TUT7: variants seen among roughly 807,000 people sequenced by gnomAD.
TUT7 encodes the protein terminal uridylyltransferase 7.
TUT7 carries 33 observed loss-of-function variants against 165.9 expected under a neutral mutation model. The ratio of observed to expected loss-of-function variants is 0.20; its 90% CI spans 0.15 to 0.27. The LOEUF (loss-of-function observed/expected upper bound fraction) is 0.27. TUT7 is among the 10% of genes least tolerant of loss of function. The pLI, the probability that TUT7 is intolerant of heterozygous loss-of-function variation, is 1.00. For synonymous variants in TUT7, 552 were observed against 608.1 expected (o/e 0.91, Z 1.36); for missense variants, 1,338 against 1,762.3 (o/e 0.76, Z 4.31).
intron 7 of TUT7, 126 bp from the exon 8 acceptor site, chr9:86,340,231 A>G: frequency 1.4e-6 from 1 of 697,624 alleles, no homozygotes; most frequent in Non-Finnish European, 2.4e-6. Context: ...ACTACTAAAT[A>G]ATGCTCTGCA....
chr9:86,309,912 T>A lies in TUT7; in HGVS notation c.3468+16A>T, dbSNP rs761726912. 8 of 1,602,348 alleles carry A rather than the reference T, an allele frequency of 5.0e-6. No individual in the cohort carries two copies. Among genetic ancestry groups the A allele is most frequent in the South Asian group, 1.1e-5 (1 of 90,334 alleles). ...AATGAAATTTCCTGATAAGTCACAATAGGAAGCATACTCACCTTTGTAAAT... is the reference window on the plus strand; with the variant it reads ...AATGAAATTTCCTGATAAGTCACAAAAGGAAGCATACTCACCTTTGTAAAT... On this transcript the variant is annotated intron_variant, in intron 19 of 26. Transcript: ENST00000375963.
intron 26 of TUT7, among the ~76,000 whole-genome samples, chr9:86,294,060 AAG>A (rs1826099124): frequency 6.6e-6 from 1 of 152,176 alleles, no homozygotes; most frequent in Non-Finnish European, 1.5e-5. Flanking sequence ...GGATAGTTTT[AAG>A]AGAGTCAATT....
intron 26 of TUT7, among the ~76,000 whole-genome samples, chr9:86,298,218 C>T (rs1280664542): frequency 6.6e-6 from 1 of 152,110 alleles, no homozygotes; most frequent in Non-Finnish European, 1.5e-5. Flanking sequence ...TTATTGTCTA[C>T]CTCTTCTGAA....
intron 2 of TUT7, 71 bp from the exon 3 acceptor site, chr9:86,346,551 A>AT (rs1403897052): frequency 1.4e-6 from 2 of 1,431,780 alleles, no homozygotes; most frequent in African/African-American, 2.9e-5. Flanking sequence ...CAGACCTTAC[A>AT]TATGTATTAA....
chr9:86,293,631 T>C (rs1382753152), intron 26 of TUT7, among the ~76,000 whole-genome samples: 2 of 152,228 alleles, frequency 1.3e-5, no homozygotes, highest in Admixed American at 6.5e-5. Flanking sequence ...TTTGGGAATA[T>C]TGGCATCACT....
At chr9:86,320,784 C>T (rs2131420322) in intron 14 of TUT7, among the ~76,000 whole-genome samples, 1 of 152,282 alleles carries the variant, frequency 6.6e-6, no homozygotes, top group South Asian at 2.1e-4. Flanking sequence ...ATTTTACCCT[C>T]TCTTCCAACG....
chr9:86,350,908 C>T (rs988783298), intron 2 of TUT7, among the ~76,000 whole-genome samples: 4 of 148,990 alleles, frequency 2.7e-5, no homozygotes, highest in Non-Finnish European at 5.9e-5. Flanking sequence ...AGAGGCAGGT[C>T]GATCACTTGA....
Position 86,340,073 on chromosome 9 carries a change from C to T in TUT7, c.1171G>A (p.Ala391Thr). ...CTGCACACCACCACTGGCACCCTAG[C>T]ATGGAAGTCTGCATCAACATCAATA... ...SFIDVDADFHARVPVVVCREK... is the reference protein window; with the variant it reads ...SFIDVDADFHTRVPVVVCREK... Residue 391 changes from alanine to threonine, a missense_variant, in exon 8 of 27, where the codon GCT becomes ACT. Ala to Thr is a moderately conservative substitution (Grantham distance 58). Around this residue, in one of 7 missense-constraint regions of TUT7, gnomAD observed 434 missense variants for 480.8 expected, o/e 0.90. Transcript: ENST00000375963. The T allele has an allele frequency of 6.2e-7, 1 of 1,613,832 alleles. No homozygotes were observed.
chr9:86,345,756 G>A lies in TUT7; in HGVS notation c.732C>T (p.Tyr244=). 3 of 1,613,276 alleles carry A rather than the reference G, an allele frequency of 1.9e-6. No individual in the cohort carries two copies. Among genetic ancestry groups the A allele is most frequent in the South Asian group, 1.1e-5 (1 of 90,862 alleles). The part of the protein sequence containing the change: ...RRPRNYPTAK[Y]TCRLCDVLIE... ...TTAAAACATCACAGAGTCTGCAGGT[G>A]TACTTTGCTGTAGGGTAGTTTCGTG... is the stretch of plus-strand genomic sequence containing the variant. Residue 244 remains tyrosine (Y), a synonymous_variant, in exon 4 of 27, where the codon TAC becomes TAT. Coordinates refer to ENST00000375963, the MANE Select transcript of TUT7 (RefSeq NM_024617.4).
Position 86,323,254 on chromosome 9 carries a change from G to C in TUT7, c.2496C>G (p.His832Gln), listed in dbSNP as rs748251283. The change falls in exon 13 of 27, where the codon CAC becomes CAG. Residue 832 changes from histidine to glutamine, a missense_variant. By Grantham distance (24) the His-to-Gln change is conservative. Coordinates refer to ENST00000375963, the MANE Select transcript of TUT7 (RefSeq NM_024617.4). Reference sequence around the variant, plus strand: ...TTTCTGATGTCTGGCCCTGTACTGAGTGGGTAAAGTGGTTTAGAGAGTCTT... The same window carrying C: ...TTTCTGATGTCTGGCCCTGTACTGACTGGGTAAAGTGGTTTAGAGAGTCTT... ...ELEDSLNHFT[H>Q]SVQGQTSEMI... is the part of the protein sequence containing the mutation. 1 of 1,614,104 alleles carries C rather than the reference G, an allele frequency of 6.2e-7. No homozygotes were observed. The highest frequency in any genetic ancestry group is 1.1e-5 in the South Asian group (1 of 91,088).
In TUT7 at chr9:86,327,191, G is replaced by A. The variant is rs79659147; in HGVS notation, c.1608+1149C>T. Among the ~76,000 whole-genome samples the A allele has an allele frequency of 4.0e-3, 607 of 152,212 alleles. 2 individuals carry two copies. Among genetic ancestry groups the A allele is most frequent in the Middle Eastern group, 6.8e-3 (2 of 294 alleles). On this transcript the variant is annotated intron_variant, in intron 11 of 26. Coordinates refer to ENST00000375963, the MANE Select transcript of TUT7 (RefSeq NM_024617.4). ...TACATTTTACCTCTTTATCCATAGC[G>A]GCATTACAAAGGATTTTTAAGCATC...
rs144011784 is a variant in TUT7 at position 86,346,331 on chromosome 9, G to C, written c.670C>G (p.Leu224Val). ...AGCCTGTCAATGCAGTCTCTCTTCA[G>C]TCTCTCCTCAGCCTGCTGTAAGCCT... ...LLGLQQAEER[L>V]KRDCIDRLKR... Residue 224 changes from leucine (L) to valine (V), a missense_variant, in exon 3 of 27, where the codon CTG (leucine) becomes GTG (valine). By Grantham distance (32) the Leu-to-Val change is conservative (BLOSUM62 1). Coordinates refer to ENST00000375963, the MANE Select transcript of TUT7 (RefSeq NM_024617.4). The C allele has an allele frequency of 6.2e-7, 1 of 1,613,850 alleles. No homozygotes were observed. Among genetic ancestry groups the C allele is most frequent in the Admixed American group, 1.7e-5 (1 of 59,986 alleles).
chr9:86,305,519 T>C (rs1827384944), intron 22 of TUT7, among the ~76,000 whole-genome samples: 1 of 152,236 alleles, frequency 6.6e-6, no homozygotes, highest in Admixed American at 6.5e-5. Flanking sequence ...TACTACTTTA[T>C]ATTTAAATCA....
chr9:86,344,881 GTAAA>G, intron 5 of TUT7, 92 bp downstream of exon 5: 2 of 1,187,374 alleles, frequency 1.7e-6, no homozygotes, highest in Non-Finnish European at 2.3e-6. Flanking sequence ...TCATGACATG[GTAAA>G]TAAATTTTTA....
At chr9:86,337,648 T>G (rs181868143) in intron 9 of TUT7, 110 bp from the exon 10 acceptor site, 1 of 1,296,066 alleles carries the variant, frequency 7.7e-7, no homozygotes, top group African/African-American at 1.5e-5. Context: ...TGATTTACGG[T>G]AATTCTTCAG....
chr9:86,339,627 C>T (rs772069494), intron 8 of TUT7, among the ~76,000 whole-genome samples: 1 of 152,142 alleles, frequency 6.6e-6, no homozygotes, highest in Admixed American at 6.5e-5. Context: ...AGCCTATAAA[C>T]CACCCATTTA....
rs1390542395 is a variant in TUT7, at chr9:86,287,977, A to G, written c.*700T>C. On this transcript the variant is annotated 3_prime_UTR_variant, in exon 27 of 27. Transcript: ENST00000375963. ...AAAAAGTAAAAAGTACTTTCATTTT[A>G]TTTTTCCTTTGAAAATGTTTTTAGT... is the stretch of plus-strand genomic sequence containing the variant. The G allele has an allele frequency of 6.6e-6, 1 of 152,002 alleles. No individual in the cohort carries two copies. The highest frequency in any genetic ancestry group is 2.4e-5 in the African/African-American group (1 of 41,388). The allele number at this position is 152,002 out of a possible 1,614,324, so 9.4% of individuals were successfully genotyped here.
chr9:86,308,620 G>T lies in TUT7; in HGVS notation c.3661-14C>A, dbSNP rs906283807. ...CCAATAGGTAGGCTAGAAATAGAAG[G>T]GAACAAGGGATACCATGGTCTTTAG... On this transcript the variant is annotated splice_polypyrimidine_tract_variant and intron_variant, in intron 21 of 26. Transcript: ENST00000375963. 6.3e-7 allele frequency: 1 copy of T among 1,594,712 alleles called. No individual in the cohort carries two copies. Among genetic ancestry groups the T allele is most frequent in the Non-Finnish European group, 8.5e-7 (1 of 1,170,314 alleles).
intron 17 of TUT7, among the ~76,000 whole-genome samples, chr9:86,312,671 G>A (rs1005123712): frequency 1.3e-5 from 2 of 152,206 alleles, no homozygotes; most frequent in African/African-American, 4.8e-5. Flanking sequence ...GGAATAGAAA[G>A]CGGGGAAAGG....
Sources: allele counts gnomAD v4.1 joint callset (sites outside exome capture counted in the v4.1 genomes callset), GRCh38; gene constraint gnomAD v4.1.1; regional missense constraint gnomAD v4.1.1; transcripts MANE v1.5; gene names NCBI Gene and HGNC (gene_info 2026-07-23, HGNC 2026-07-21).